PCDHGB4: variants seen among roughly 807,000 people sequenced by gnomAD.
PCDHGB4 encodes the protein protocadherin gamma-B4.
A neutral mutation model predicts 60.5 loss-of-function variants in PCDHGB4; 38 were observed. The ratio of observed to expected loss-of-function variants is 0.63; its 90% CI spans 0.48 to 0.82. The LOEUF (loss-of-function observed/expected upper bound fraction) is 0.82, where lower values mean the gene tolerates loss of function less well. Ranked by LOEUF, PCDHGB4 falls within the 40% of genes least tolerant of loss-of-function variation. The probability of loss-of-function intolerance (pLI) is 0.00; values close to 1 mark genes in which losing one functional copy is unlikely to be tolerated. For synonymous variants in PCDHGB4, 456 were observed against 509.7 expected, an observed-to-expected ratio of 0.89 and a Z score of 1.42; for missense variants, 1,109 against 1,209.6, an observed-to-expected ratio of 0.92 and a Z score of 1.23.
In PCDHGB4 at chr5:141,476,504, G is replaced by A; in HGVS notation, c.2398-18303G>A. On this transcript the variant is annotated intron_variant, in intron 1 of 3. Coordinates refer to ENST00000519479, the MANE Select transcript of PCDHGB4 (RefSeq NM_003736.4). This position sits in a 1 kb window ranked among gnomAD's most constrained non-coding sequence, Gnocchi z 7.6. ...GGAAGTGGTGATCCAGGACATCAAC[G>A]ACAACAATCCTGCTTTCCCTACCCA... The A allele has an allele frequency of 6.2e-7, 1 of 1,614,098 alleles. No individual in the cohort carries two copies. The highest frequency in any genetic ancestry group is 2.2e-5 in the East Asian group (1 of 44,854).
At chr5:141,392,896 G>C in intron 1 of PCDHGB4, 2 of 1,613,812 alleles carry the variant, frequency 1.2e-6, no homozygotes, top group South Asian at 1.1e-5. Flanking sequence ...GAAATCGGGA[G>C]GGGACAGATT....
chr5:141,410,699 A>G (rs760193148), intron 1 of PCDHGB4: 1 of 1,478,344 alleles, frequency 6.8e-7, no homozygotes, highest in East Asian at 2.3e-5. Flanking sequence ...CTTTATTTTC[A>G]TATCTAGAAT....
At chr5:141,447,284 C>A (rs979564320) in intron 1 of PCDHGB4, among the ~76,000 whole-genome samples, 1 of 152,124 alleles carries the variant, frequency 6.6e-6, no homozygotes, top group African/African-American at 2.4e-5. Context: ...GGACTACAGG[C>A]ACATGCCACC....
intron 1 of PCDHGB4, chr5:141,419,343 A>G: frequency 6.2e-7 from 1 of 1,613,806 alleles, no homozygotes; most frequent in East Asian, 2.2e-5. Flanking sequence ...ATTGCCAGCG[A>G]CCTGGAGTCA....
At position 141,491,834 on chromosome 5, in the gene PCDHGB4, C is replaced by T; in HGVS notation, c.2398-2973C>T. 6 of 1,473,830 alleles carry T rather than the reference C, an allele frequency of 4.1e-6. No homozygotes were observed. The highest frequency in any genetic ancestry group is 5.4e-6 in the Non-Finnish European group (6 of 1,112,366). The allele number at this position is 1,473,830 out of a possible 1,614,324, so 91.3% of individuals were successfully genotyped here. ...CGCTGGCTGCGCTCCACCCGATTCTCGGGATCATTGGACCGTTTGCGCGAA... is the reference window on the plus strand; with the variant it reads ...CGCTGGCTGCGCTCCACCCGATTCTTGGGATCATTGGACCGTTTGCGCGAA... On this transcript the variant is annotated intron_variant, in intron 1 of 3. Transcript: ENST00000519479. This position sits in a 1 kb window ranked among gnomAD's most constrained non-coding sequence, Gnocchi z 6.9.
At chr5:141,393,579 C>T (rs2092799952) in intron 1 of PCDHGB4, 2 of 1,613,888 alleles carry the variant, frequency 1.2e-6, no homozygotes, top group Non-Finnish European at 1.7e-6. Context: ...TGAGAACATG[C>T]CCCCAGGCAC....
rs1193465269 is a variant in PCDHGB4 at position 141,467,055 on chromosome 5, C to CT, written c.2398-27736dup. Among the ~76,000 whole-genome samples, 814 of 134,448 alleles carry CT rather than the reference C, an allele frequency of 6.1e-3. 10 individuals carry two copies. Among genetic ancestry groups the CT allele is most frequent in the African/African-American group, 0.018 (656 of 36,920 alleles). The allele number at this position is 134,448 out of a possible 152,430, so 88.2% of individuals were successfully genotyped here. A position where few individuals can be genotyped will look rare whatever the true frequency, so the allele number is the denominator to read the frequency against. Reference sequence around the variant, plus strand: ...TTTTTGTGTAATGAATCAATGTTTTCTTTTTTTTTTTTTTTTAGACCAAGT... The same window carrying CT: ...TTTTTGTGTAATGAATCAATGTTTTCTTTTTTTTTTTTTTTTTAGACCAAGT... On this transcript the variant is annotated intron_variant, in intron 1 of 3. Coordinates refer to ENST00000519479, the MANE Select transcript of PCDHGB4 (RefSeq NM_003736.4).
At chr5:141,399,435 A>G (rs568070353) in intron 1 of PCDHGB4, 20 of 1,613,972 alleles carry the variant, frequency 1.2e-5, no homozygotes, top group African/African-American at 9.3e-5. Context: ...GCGTCATCCT[A>G]CATATCAGAG....
At position 141,491,872 on chromosome 5, in the gene PCDHGB4, G is replaced by A; in HGVS notation, c.2398-2935G>A. On this transcript the variant is annotated intron_variant, in intron 1 of 3. Transcript: ENST00000519479. The surrounding 1 kb of genome is among the most constrained non-coding windows in gnomAD (Gnocchi z 6.9). ...CCGTTTGCGCGAAACCAGAGTGGCCGATTAAGGGATGGGGCTCCGAGCACC... is the reference window on the plus strand; with the variant it reads ...CCGTTTGCGCGAAACCAGAGTGGCCAATTAAGGGATGGGGCTCCGAGCACC... 6.9e-7 allele frequency: 1 copy of A among 1,452,190 alleles called. No individual in the cohort carries two copies. The highest frequency in any genetic ancestry group is 9.1e-7 in the Non-Finnish European group (1 of 1,098,644). The allele number at this position is 1,452,190 out of a possible 1,614,324, so 90.0% of individuals were successfully genotyped here.
At chr5:141,405,938 G>A (rs1249578216) in intron 1 of PCDHGB4, among the ~76,000 whole-genome samples, 2 of 152,114 alleles carry the variant, frequency 1.3e-5, no homozygotes, top group Non-Finnish European at 2.9e-5. Flanking sequence ...TAACTTTCAT[G>A]TTCTCATAAT....
Position 141,489,169 on chromosome 5 carries a change from C to T in PCDHGB4, c.2398-5638C>T. On this transcript the variant is annotated intron_variant, in intron 1 of 3. Coordinates refer to ENST00000519479, the MANE Select transcript of PCDHGB4 (RefSeq NM_003736.4). This position sits in a 1 kb window ranked among gnomAD's most constrained non-coding sequence, Gnocchi z 4.5. ...GAGACATAAGAGACTTCAGCTGCTG[C>T]ATTCCAAGCCCTGGGTCTACCTTGG... 3 of 1,124,648 alleles carry T rather than the reference C, an allele frequency of 2.7e-6. No individual in the cohort carries two copies. The highest frequency in any genetic ancestry group is 3.8e-6 in the Non-Finnish European group (3 of 783,910). The allele number at this position is 1,124,648 out of a possible 1,614,324, so 69.7% of individuals were successfully genotyped here. A position where few individuals can be genotyped will look rare whatever the true frequency, so the allele number is the denominator to read the frequency against.
chr5:141,438,627 TATATATATACAC>T (rs1324653166), intron 1 of PCDHGB4, among the ~76,000 whole-genome samples: 191 of 47,978 alleles, frequency 4.0e-3, no homozygotes, highest in African/African-American at 0.016. Flanking sequence ...TATATATATA[TATATATATACAC>T]ACACACACAC....
intron 1 of PCDHGB4, among the ~76,000 whole-genome samples, chr5:141,435,715 A>T (rs528951395): frequency 5.9e-5 from 9 of 152,210 alleles, no homozygotes; most frequent in Non-Finnish European, 1.0e-4. Context: ...ACAGACACTG[A>T]ATGCTAAAGT....
intron 1 of PCDHGB4, chr5:141,430,857 A>C (rs748992376): frequency 1.9e-6 from 3 of 1,591,316 alleles, no homozygotes; most frequent in Non-Finnish European, 2.6e-6. Flanking sequence ...CAGATACGCT[A>C]TTCAGTTCCG....
At position 141,477,576 on chromosome 5, in the gene PCDHGB4, C is replaced by A; in HGVS notation, c.2398-17231C>A. The A allele has an allele frequency of 6.2e-7, 1 of 1,614,162 alleles. No homozygotes were observed. The highest frequency in any genetic ancestry group is 8.5e-7 in the Non-Finnish European group (1 of 1,180,026). On this transcript the variant is annotated intron_variant, in intron 1 of 3. Transcript: ENST00000519479. The surrounding 1 kb of genome is among the most constrained non-coding windows in gnomAD (Gnocchi z 4.9). ...CTAAGTGTCTGGGACCCCGACGCCC[C>A]GCAGAATGCTCGGCTTTCTTTCTTT...
At position 141,472,368 on chromosome 5, in the gene PCDHGB4, C is replaced by T. The variant is rs555805048; in HGVS notation, c.2398-22439C>T. ...CATCCTGGCTAACACGGTGAAACCC[C>T]GTCTCCACTAAAAATAGAAAAAATT... is the stretch of plus-strand genomic sequence containing the variant. On this transcript the variant is annotated intron_variant, in intron 1 of 3. Transcript: ENST00000519479. Among the ~76,000 whole-genome samples, 214 of 152,012 alleles carry T rather than the reference C, an allele frequency of 1.4e-3. 1 individual carries two copies. The highest frequency in any genetic ancestry group is 4.8e-3 in the African/African-American group (199 of 41,452).
At chr5:141,398,009 C>A (rs1589315775) in intron 1 of PCDHGB4, 6 of 1,400,558 alleles carry the variant, frequency 4.3e-6, no homozygotes, top group East Asian at 5.1e-5. Flanking sequence ...GAAAAAGAAT[C>A]GTTTCCTAAA....
At chr5:141,472,617 A>G (rs1024856184) in intron 1 of PCDHGB4, among the ~76,000 whole-genome samples, 3 of 152,138 alleles carry the variant, frequency 2.0e-5, no homozygotes, top group African/African-American at 7.2e-5. Flanking sequence ...CAAAGAAGAA[A>G]AAAGATAAAG....
chr5:141,443,163 T>C (rs1054542792), intron 1 of PCDHGB4, among the ~76,000 whole-genome samples: 3 of 152,172 alleles, frequency 2.0e-5, no homozygotes, highest in Non-Finnish European at 4.4e-5. Context: ...TTTATTTCCC[T>C]ACCCATGTCC....
Sources: allele counts gnomAD v4.1 joint callset (sites outside exome capture counted in the v4.1 genomes callset), GRCh38; gene constraint gnomAD v4.1.1; non-coding constraint Gnocchi (gnomAD v3.1); transcripts MANE v1.5; gene names NCBI Gene and HGNC (gene_info 2026-07-23, HGNC 2026-07-21).